MCF2L2: variants seen among roughly 807,000 people sequenced by gnomAD.
The protein encoded by MCF2L2 is MCF.2 cell line derived transforming sequence-like 2.
In MCF2L2, 102 loss-of-function variants were observed where a neutral mutation model predicts 150.2. The ratio of observed to expected loss-of-function variants is 0.68; its 90% CI spans 0.58 to 0.80. The LOEUF (loss-of-function observed/expected upper bound fraction) is 0.80. Among genes scored for constraint, MCF2L2 ranks in the 30% least tolerant of loss-of-function variants. The probability of loss-of-function intolerance (pLI) is 0.00; values close to 1 mark genes in which losing one functional copy is unlikely to be tolerated. For missense variants in MCF2L2, 1,256 were observed against 1,372.8 expected, an observed-to-expected ratio of 0.91 and a Z score of 1.34; for synonymous variants, 465 against 491.3, an observed-to-expected ratio of 0.95 and a Z score of 0.71.
At chr3:183,405,838 C>A (rs976096692) in intron 1 of MCF2L2, among the ~76,000 whole-genome samples, 2 of 152,212 alleles carry the variant, frequency 1.3e-5, no homozygotes, top group Admixed American at 6.5e-5. Flanking sequence ...GCCTCAGCCT[C>A]CCCAGTAGCT....
chr3:183,180,201 G>A (rs2108625796), intron 27 of MCF2L2, 42 bp from the exon 28 acceptor site: 1 of 1,291,448 alleles, frequency 7.7e-7, no homozygotes, highest in Non-Finnish European at 1.1e-6. Context: ...TGTGGGGTGG[G>A]AGGACATCCC....
At chr3:183,388,771 C>T (rs1713973153) in intron 2 of MCF2L2, among the ~76,000 whole-genome samples, 1 of 152,008 alleles carries the variant, frequency 6.6e-6, no homozygotes, top group Non-Finnish European at 1.5e-5. Context: ...GAGAAATATC[C>T]CAATAATAAC....
intron 3 of MCF2L2, among the ~76,000 whole-genome samples, chr3:183,370,744 T>C (rs1030170906): frequency 3.4e-5 from 4 of 118,832 alleles, no homozygotes; most frequent in African/African-American, 1.7e-4. Flanking sequence ...TAACTTTGTT[T>C]CCTGCCCTTT....
intron 27 of MCF2L2, among the ~76,000 whole-genome samples, chr3:183,189,101 C>T (rs1157455659): frequency 2.6e-5 from 4 of 152,144 alleles, no homozygotes; most frequent in Non-Finnish European, 5.9e-5. Context: ...GCTGGCATGT[C>T]GGACATTTAA....
At chr3:183,337,897 A>T (rs1236141503) in intron 5 of MCF2L2, among the ~76,000 whole-genome samples, 2 of 152,232 alleles carry the variant, frequency 1.3e-5, no homozygotes, top group Non-Finnish European at 2.9e-5. Context: ...TACCAGTGAA[A>T]TATAAGAGTG....
intron 10 of MCF2L2, among the ~76,000 whole-genome samples, chr3:183,308,815 C>T (rs997893058): frequency 9.2e-5 from 14 of 152,208 alleles, no homozygotes; most frequent in Non-Finnish European, 2.1e-4. Flanking sequence ...ACTCAGGTGA[C>T]ATCTGTGCTG....
At chr3:183,415,433 C>T (rs766712486) in intron 1 of MCF2L2, among the ~76,000 whole-genome samples, 1 of 152,166 alleles carries the variant, frequency 6.6e-6, no homozygotes, top group Non-Finnish European at 1.5e-5. Context: ...GTGATCTACC[C>T]ACCTCGGCCT....
At position 183,247,607 on chromosome 3, in the gene MCF2L2, C is replaced by T. The variant is rs916304919; in HGVS notation, c.1863-16590G>A. Among the ~76,000 whole-genome samples, 6 of 152,140 alleles carry T rather than the reference C, an allele frequency of 3.9e-5. No homozygotes were observed. The South Asian group carries it at 1.2e-3, about 32-fold the overall frequency. On this transcript the variant is annotated intron_variant, in intron 15 of 29. Coordinates refer to ENST00000328913, the MANE Select transcript of MCF2L2 (RefSeq NM_015078.4). The stretch of plus-strand genomic sequence containing the variant: ...TTGTGAAACAATTATAGTCAGTCCT[C>T]CATCTCTGTAGGTTCCACATCTGTG...
At chr3:183,397,242 C>A (rs1714516762) in intron 1 of MCF2L2, among the ~76,000 whole-genome samples, 1 of 152,186 alleles carries the variant, frequency 6.6e-6, no homozygotes, top group Admixed American at 6.5e-5. Flanking sequence ...TCTCATGGTT[C>A]TGGAGACTGG....
intron 1 of MCF2L2, among the ~76,000 whole-genome samples, chr3:183,406,371 G>T (rs1444008185): frequency 6.6e-6 from 1 of 152,106 alleles, no homozygotes; most frequent in Non-Finnish European, 1.5e-5. Context: ...CCTTGATAAA[G>T]TATCCATTCA....
intron 3 of MCF2L2, among the ~76,000 whole-genome samples, chr3:183,371,640 CTT>C (rs68174534): frequency 0.33 from 47,359 of 141,534 alleles, 11,484 homozygotes; most frequent in African/African-American, 0.69. Context: ...GATAATTTTT[CTT>C]TTTTTTTTTT....
intron 15 of MCF2L2, among the ~76,000 whole-genome samples, chr3:183,245,444 C>A (rs1724207651): frequency 6.6e-6 from 1 of 152,064 alleles, no homozygotes; most frequent in Non-Finnish European, 1.5e-5. Flanking sequence ...TGGATGGGGG[C>A]TGGGAGGCTG....
At chr3:183,299,828 T>C (rs1270615856) in intron 11 of MCF2L2, 177 bp downstream of exon 11, 10 of 620,314 alleles carry the variant, frequency 1.6e-5, no homozygotes, top group Non-Finnish European at 2.4e-5. Context: ...TTTACCTTCG[T>C]GCCAGGTATA....
At chr3:183,188,985 G>A (rs1310698133) in intron 27 of MCF2L2, among the ~76,000 whole-genome samples, 1 of 151,676 alleles carries the variant, frequency 6.6e-6, no homozygotes, top group Non-Finnish European at 1.5e-5. Context: ...AAAAAGCAAC[G>A]CTTATGATTG....
intron 27 of MCF2L2, among the ~76,000 whole-genome samples, chr3:183,188,517 C>T (rs1167914319): frequency 1.3e-5 from 2 of 152,154 alleles, no homozygotes; most frequent in East Asian, 3.9e-4. Context: ...GCACTCCATC[C>T]CCGCAGTGCC....
rs569630969 is a variant in MCF2L2, at chr3:183,262,601, G to A, written c.1862+14271C>T. Among the ~76,000 whole-genome samples, 7 of 152,152 alleles carry A rather than the reference G, an allele frequency of 4.6e-5. No individual in the cohort carries two copies. The South Asian group carries it at 1.2e-3, about 27-fold the overall frequency. ...GTATGTTTTATAGAGGGAATGGTGA[G>A]TGTTGGGGAACTAGGGAGCCCATGA... On this transcript the variant is annotated intron_variant, in intron 15 of 29. Transcript: ENST00000328913.
At chr3:183,379,101 G>A in intron 3 of MCF2L2, 196 bp downstream of exon 3, 1 of 521,814 alleles carries the variant, frequency 1.9e-6, no homozygotes, top group South Asian at 2.8e-5. Context: ...CAAAACTGAG[G>A]CTTGTTTGTC....
At chr3:183,360,991 A>AG (rs1560040073) in intron 3 of MCF2L2, among the ~76,000 whole-genome samples, 2 of 133,440 alleles carry the variant, frequency 1.5e-5, no homozygotes, top group South Asian at 2.2e-4. Flanking sequence ...AAGAAAAGAA[A>AG]AGAAAAGAAA....
intron 1 of MCF2L2, among the ~76,000 whole-genome samples, chr3:183,407,662 G>C (rs1379902093): frequency 1.3e-5 from 2 of 152,178 alleles, no homozygotes; most frequent in Admixed American, 6.5e-5. Flanking sequence ...CACTGAGGGA[G>C]AAAATGGTCA....
Sources: allele counts gnomAD v4.1 joint callset (sites outside exome capture counted in the v4.1 genomes callset), GRCh38; gene constraint gnomAD v4.1.1; transcripts MANE v1.5; gene names NCBI Gene and HGNC (gene_info 2026-07-23, HGNC 2026-07-21).